Variants in PAPPA observed in about 807,000 individuals in gnomAD.
The protein encoded by PAPPA is pappalysin-1.
PAPPA carries 60 observed loss-of-function variants against 164.0 expected under a neutral mutation model. The ratio of observed to expected loss-of-function variants is 0.37; its 90% CI spans 0.30 to 0.45. The LOEUF is 0.45. Ranked by LOEUF, PAPPA falls within the 20% of genes least tolerant of loss-of-function variation. The pLI is 1.00. For missense variants in PAPPA, 1,782 were observed against 2,087.3 expected, an observed-to-expected ratio of 0.85 and a Z score of 2.85; for synonymous variants, 875 against 814.1, an observed-to-expected ratio of 1.07 and a Z score of -1.27.
At chr9:116,168,696 A>C (rs1337482097) in intron 1 of PAPPA, among the ~76,000 whole-genome samples, 3 of 152,222 alleles carry the variant, frequency 2.0e-5, no homozygotes, top group African/African-American at 7.2e-5. Context: ...TTCTGGATTC[A>C]TGCCTCAGCT....
chr9:116,394,610 T>C (rs1035758395), intron 21 of PAPPA, among the ~76,000 whole-genome samples: 3 of 152,208 alleles, frequency 2.0e-5, no homozygotes, highest in African/African-American at 7.2e-5. Flanking sequence ...TCTGTGCTTC[T>C]CTTCAAGGTA....
At chr9:116,230,884 G>A (rs1164548549) in intron 6 of PAPPA, among the ~76,000 whole-genome samples, 1 of 152,246 alleles carries the variant, frequency 6.6e-6, no homozygotes, top group African/African-American at 2.4e-5. Flanking sequence ...ACTTATGCAA[G>A]TATAAAATAG....
chr9:116,159,825 G>C (rs933019968), intron 1 of PAPPA, among the ~76,000 whole-genome samples: 6 of 152,180 alleles, frequency 3.9e-5, no homozygotes, highest in African/African-American at 1.4e-4. Context: ...GGCCAGCCTG[G>C]ACATGAACTC....
At chr9:116,246,426 T>C (rs763474740) in intron 7 of PAPPA, among the ~76,000 whole-genome samples, 2 of 152,156 alleles carry the variant, frequency 1.3e-5, no homozygotes, top group Non-Finnish European at 2.9e-5. Context: ...CTTTAAAAAA[T>C]TTTTCTTATT....
At chr9:116,226,842 A>G (rs1434333794) in intron 5 of PAPPA, among the ~76,000 whole-genome samples, 1 of 152,234 alleles carries the variant, frequency 6.6e-6, no homozygotes, top group Non-Finnish European at 1.5e-5. Flanking sequence ...AATGAATTAG[A>G]TGGCATGGTA....
chr9:116,398,635 C>A lies in PAPPA; in HGVS notation c.*2019C>A, dbSNP rs1411934974. The A allele has an allele frequency of 5.3e-6, 4 of 754,170 alleles. No individual in the cohort carries two copies. The highest frequency in any genetic ancestry group is 8.0e-6 in the Non-Finnish European group (4 of 499,300). The allele number at this position is 754,170 out of a possible 1,614,324, so 46.7% of individuals were successfully genotyped here. A position where few individuals can be genotyped will look rare whatever the true frequency, so the allele number is the denominator to read the frequency against. On this transcript the variant is annotated 3_prime_UTR_variant, in exon 22 of 22. Transcript: ENST00000328252. ...AAGAAACATATCAAGGTGCTTTTGG[C>A]ACAGGTGCCCACAAATACGGATGCA...
Position 116,219,946 on chromosome 9 carries a change from G to A in PAPPA, c.1928G>A (p.Cys643Tyr). The A allele has an allele frequency of 6.2e-7, 1 of 1,612,658 alleles. No homozygotes were observed. Among genetic ancestry groups the A allele is most frequent in the Non-Finnish European group, 8.5e-7 (1 of 1,179,284 alleles). ...NNFMSYADDD[C>Y]TDSFTPNQVA... is the part of the protein sequence containing the mutation. The stretch of plus-strand genomic sequence containing the variant: ...CTCTGCCTGCTTGCAGATGACGACT[G>A]TACGGACTCCTTCACGCCCAATCAA... The change falls in exon 5 of 22, where the codon TGT (cysteine) becomes TAT (tyrosine). Residue 643 changes from cysteine to tyrosine, a missense_variant. Physicochemically the swap from Cys to Tyr is radical, Grantham distance 194. This residue lies in a region of PAPPA where 1,324 missense variants were observed against 1,656.9 expected (regional missense o/e 0.80). Coordinates refer to ENST00000328252, the MANE Select transcript of PAPPA (RefSeq NM_002581.5).
intron 3 of PAPPA, among the ~76,000 whole-genome samples, chr9:116,211,199 A>G (rs1400159873): frequency 6.6e-6 from 1 of 152,228 alleles, no homozygotes; most frequent in African/African-American, 2.4e-5. Context: ...CAAAATGGGA[A>G]CCAGAACCAA....
At chr9:116,213,604 G>C (rs1341943480) in intron 4 of PAPPA, among the ~76,000 whole-genome samples, 1 of 152,092 alleles carries the variant, frequency 6.6e-6, no homozygotes. Context: ...CATAAGTTTG[G>C]AAGTTTGCCG....
chr9:116,187,441 T>C lies in PAPPA; in HGVS notation c.703T>C (p.Cys235Arg). Residue 235 changes from cysteine (C) to arginine (R), a missense_variant, in exon 2 of 22, where the codon TGC becomes CGC. Around this residue, in one of 2 missense-constraint regions of PAPPA, gnomAD observed 458 missense variants for 430.3 expected, o/e 1.06. Coordinates refer to ENST00000328252, the MANE Select transcript of PAPPA (RefSeq NM_002581.5). This position sits in a 1 kb window ranked among gnomAD's most constrained non-coding sequence, Gnocchi z 4.2. ...GGIFSPLTQK[C>R]KVLMLGGSAL... is the part of the protein sequence containing the mutation. ...CATATTCAGCCCACTGACCCAGAAGTGCAAAGTGCTCATGTTAGGGGGCAG... is the reference window on the plus strand; with the variant it reads ...CATATTCAGCCCACTGACCCAGAAGCGCAAAGTGCTCATGTTAGGGGGCAG... The C allele has an allele frequency of 6.2e-7, 1 of 1,614,146 alleles. No individual in the cohort carries two copies. Among genetic ancestry groups the C allele is most frequent in the Non-Finnish European group, 8.5e-7 (1 of 1,180,038 alleles).
chr9:116,336,283 C>T (rs1846061168), intron 13 of PAPPA, among the ~76,000 whole-genome samples: 1 of 152,162 alleles, frequency 6.6e-6, no homozygotes. Context: ...TCCCACGCCC[C>T]TGTTACCACA....
At chr9:116,368,577 A>C (rs1487379344) in intron 19 of PAPPA, among the ~76,000 whole-genome samples, 1 of 152,166 alleles carries the variant, frequency 6.6e-6, no homozygotes, top group Non-Finnish European at 1.5e-5. Context: ...TGTGTCACCC[A>C]ATCAACTGGG....
intron 2 of PAPPA, among the ~76,000 whole-genome samples, chr9:116,199,585 C>T (rs971301988): frequency 3.9e-5 from 6 of 152,106 alleles, no homozygotes; most frequent in Non-Finnish European, 7.4e-5. Context: ...TCATTTTATC[C>T]TCTTACATAA....
intron 4 of PAPPA, among the ~76,000 whole-genome samples, chr9:116,216,536 C>T (rs893610612): frequency 6.6e-6 from 1 of 152,168 alleles, no homozygotes; most frequent in Non-Finnish European, 1.5e-5. Context: ...GAGCTGGCCA[C>T]TCCTGGAGAC....
intron 19 of PAPPA, among the ~76,000 whole-genome samples, chr9:116,368,630 A>G (rs1042370754): frequency 6.6e-6 from 1 of 152,206 alleles, no homozygotes; most frequent in Non-Finnish European, 1.5e-5. Flanking sequence ...CCCCCAGGAC[A>G]TCGCAGGTCC....
At chr9:116,157,404 T>TA (rs965270302) in intron 1 of PAPPA, among the ~76,000 whole-genome samples, 3 of 152,006 alleles carry the variant, frequency 2.0e-5, no homozygotes, top group South Asian at 2.1e-4. Context: ...TACTAATACA[T>TA]AAAAAAAGGG....
chr9:116,239,610 C>T (rs1280813497), intron 7 of PAPPA, among the ~76,000 whole-genome samples: 2 of 152,174 alleles, frequency 1.3e-5, no homozygotes, highest in Non-Finnish European at 1.5e-5. Flanking sequence ...AGTATTTCCT[C>T]TGCTTTAAGT....
intron 17 of PAPPA, among the ~76,000 whole-genome samples, chr9:116,359,186 C>G (rs187485571): frequency 6.6e-6 from 1 of 152,320 alleles, no homozygotes; most frequent in African/African-American, 2.4e-5. Flanking sequence ...CACTTTTTCA[C>G]TTTCTAACAG....
chr9:116,271,221 G>T lies in PAPPA; in HGVS notation c.2862-104G>T. On this transcript the variant is annotated intron_variant, in intron 8 of 21. Coordinates refer to ENST00000328252, the MANE Select transcript of PAPPA (RefSeq NM_002581.5). This position sits in a 1 kb window ranked among gnomAD's most constrained non-coding sequence, Gnocchi z 4.2. ...GACTCAGACAGAGAAAGGGATTTGT[G>T]CAAGGTCTCACTGAAGGTTCATGGC... The T allele has an allele frequency of 1.4e-6, 1 of 731,638 alleles. No individual in the cohort carries two copies. The highest frequency in any genetic ancestry group is 1.6e-5 in the South Asian group (1 of 63,478). 45.3% of individuals were successfully genotyped at this position (731,638 alleles called of 1,614,324 possible). A position where few individuals can be genotyped will look rare whatever the true frequency, so the allele number is the denominator to read the frequency against.
Sources: allele counts gnomAD v4.1 joint callset (sites outside exome capture counted in the v4.1 genomes callset), GRCh38; gene constraint gnomAD v4.1.1; regional missense constraint gnomAD v4.1.1; non-coding constraint Gnocchi (gnomAD v3.1); transcripts MANE v1.5; gene names NCBI Gene and HGNC (gene_info 2026-07-23, HGNC 2026-07-21).